Variants in PTPN14 observed in about 807,000 individuals in gnomAD.
The protein encoded by PTPN14 is protein tyrosine phosphatase non-receptor type 14, also known as tyrosine-protein phosphatase non-receptor type 14.
Under a neutral mutation model 126.8 loss-of-function variants are expected in PTPN14, and 53 were observed. That is an observed-to-expected ratio of 0.42 (90% confidence interval 0.34 to 0.53). The LOEUF (loss-of-function observed/expected upper bound fraction) is 0.53. Among genes scored for constraint, PTPN14 ranks in the 20% least tolerant of loss-of-function variants. The probability of loss-of-function intolerance (pLI) is 0.08; values close to 1 mark genes in which losing one functional copy is unlikely to be tolerated. For synonymous variants in PTPN14, 630 were observed against 599.3 expected, an observed-to-expected ratio of 1.05 and a Z score of -0.75; for missense variants, 1,257 against 1,552.9, an observed-to-expected ratio of 0.81 and a Z score of 3.20.
At chr1:214,514,098 T>C (rs1655042751) in intron 1 of PTPN14, among the ~76,000 whole-genome samples, 1 of 152,096 alleles carries the variant, frequency 6.6e-6, no homozygotes, top group Non-Finnish European at 1.5e-5. Flanking sequence ...CAGGATAATT[T>C]TGAAAGTTGA....
At chr1:214,502,788 T>TA (rs1184864243) in intron 1 of PTPN14, among the ~76,000 whole-genome samples, 1 of 152,176 alleles carries the variant, frequency 6.6e-6, no homozygotes, top group African/African-American at 2.4e-5. Flanking sequence ...GCAATAATGT[T>TA]AAAAATAACA....
chr1:214,514,947 C>T (rs1275185829), intron 1 of PTPN14, among the ~76,000 whole-genome samples: 1 of 152,292 alleles, frequency 6.6e-6, no homozygotes, highest in South Asian at 2.1e-4. Flanking sequence ...TTTGTTCGGT[C>T]GCCTGGCAGC....
intron 2 of PTPN14, among the ~76,000 whole-genome samples, chr1:214,455,512 C>T (rs1660362581): frequency 6.6e-6 from 1 of 152,126 alleles, no homozygotes; most frequent in African/African-American, 2.4e-5. Context: ...TTTTATTGCT[C>T]CAGTTTTCTT....
chr1:214,515,601 T>A (rs1164838820), intron 1 of PTPN14, among the ~76,000 whole-genome samples: 1 of 152,214 alleles, frequency 6.6e-6, no homozygotes, highest in Non-Finnish European at 1.5e-5. Context: ...GTAGGGAATA[T>A]CTTTTCATTT....
intron 3 of PTPN14, among the ~76,000 whole-genome samples, chr1:214,431,820 A>G (rs1414624620): frequency 6.6e-6 from 1 of 152,216 alleles, no homozygotes; most frequent in Non-Finnish European, 1.5e-5. Flanking sequence ...GTTAATATGG[A>G]TGAAGAGCTT....
intron 4 of PTPN14, among the ~76,000 whole-genome samples, chr1:214,414,194 C>T (rs17022846): frequency 0.012 from 1,770 of 152,216 alleles, 42 homozygotes; most frequent in African/African-American, 0.04. Context: ...GATTTTAAAT[C>T]TACCTCTTTA....
chr1:214,444,249 C>T (rs1317945705), intron 3 of PTPN14, among the ~76,000 whole-genome samples: 1 of 152,184 alleles, frequency 6.6e-6, no homozygotes, highest in Non-Finnish European at 1.5e-5. Context: ...ATGTCAACTG[C>T]ATCTTAAAAT....
chr1:214,422,683 C>A (rs138137347), intron 3 of PTPN14, among the ~76,000 whole-genome samples: 1 of 152,144 alleles, frequency 6.6e-6, no homozygotes, highest in African/African-American at 2.4e-5. Flanking sequence ...TGGTGAGCTA[C>A]CAGGCGGAAA....
intron 18 of PTPN14, among the ~76,000 whole-genome samples, chr1:214,361,839 G>A (rs1180520054): frequency 6.6e-6 from 1 of 152,074 alleles, no homozygotes; most frequent in East Asian, 1.9e-4. Flanking sequence ...GAGCAGCCTG[G>A]GACAGCTGTC....
chr1:214,505,394 G>T (rs553863273), intron 1 of PTPN14, among the ~76,000 whole-genome samples: 9 of 152,248 alleles, frequency 5.9e-5, no homozygotes, highest in African/African-American at 2.2e-4. Flanking sequence ...TCCAAAGGGA[G>T]GTCAGATAAG....
chr1:214,488,940 T>C (rs187508156), intron 1 of PTPN14, among the ~76,000 whole-genome samples: 1 of 152,362 alleles, frequency 6.6e-6, no homozygotes, highest in African/African-American at 2.4e-5. Flanking sequence ...TCTCGAAATA[T>C]GAAATTCTCT....
intron 14 of PTPN14, among the ~76,000 whole-genome samples, chr1:214,376,685 T>C (rs1355968392): frequency 6.6e-6 from 1 of 152,198 alleles, no homozygotes; most frequent in Non-Finnish European, 1.5e-5. Flanking sequence ...CAAAAATCAA[T>C]ATTTTTGCTA....
chr1:214,456,710 C>G, intron 2 of PTPN14, among the ~76,000 whole-genome samples: 1 of 152,128 alleles, frequency 6.6e-6, no homozygotes, highest in Non-Finnish European at 1.5e-5. Context: ...TGAAGACGTA[C>G]AAGTTAAGAC....
At chr1:214,500,430 C>T (rs1046478437) in intron 1 of PTPN14, among the ~76,000 whole-genome samples, 6 of 152,150 alleles carry the variant, frequency 3.9e-5, no homozygotes, top group Admixed American at 6.5e-5. Flanking sequence ...CAACTCTCTA[C>T]TTGAGAGGCT....
intron 3 of PTPN14, among the ~76,000 whole-genome samples, chr1:214,429,666 T>C (rs574426080): frequency 2.0e-5 from 3 of 152,244 alleles, no homozygotes; most frequent in Non-Finnish European, 2.9e-5. Flanking sequence ...ATTGAATGCA[T>C]GCATGAACAA....
At chr1:214,499,765 T>C (rs1358538593) in intron 1 of PTPN14, among the ~76,000 whole-genome samples, 1 of 151,454 alleles carries the variant, frequency 6.6e-6, no homozygotes, top group Non-Finnish European at 1.5e-5. Context: ...TTATTTCTAA[T>C]TTAAGCATTC....
At chr1:214,472,843 G>C (rs1049137186) in intron 1 of PTPN14, among the ~76,000 whole-genome samples, 1 of 152,222 alleles carries the variant, frequency 6.6e-6, no homozygotes, top group Non-Finnish European at 1.5e-5. Context: ...CACAGACAGA[G>C]ATTGCAGATC....
Position 214,535,639 on chromosome 1 carries a change from C to T in PTPN14, c.-155+15544G>A, listed in dbSNP as rs543366931. ...CTAAAAAATACAAAAATTAGCCGGG[C>T]CTGGTGGCGCATGCCGGTAATCCCA... is the stretch of plus-strand genomic sequence containing the variant. On this transcript the variant is annotated intron_variant, in intron 1 of 18. Transcript: ENST00000366956. Among the ~76,000 whole-genome samples the T allele has an allele frequency of 4.0e-4, 61 of 152,124 alleles. 1 individual carries two copies. The highest frequency in any genetic ancestry group is 1.4e-3 in the African/African-American group (57 of 41,492).
At chr1:214,483,469 G>C (rs1261187958) in intron 1 of PTPN14, 3 of 889,960 alleles carry the variant, frequency 3.4e-6, no homozygotes, top group Admixed American at 4.4e-5. Flanking sequence ...TCTTGCCTGC[G>C]ACCCTTCCCC....
Sources: gnomAD v4.1 joint callset for allele counts (sites outside exome capture counted in the v4.1 genomes callset) on GRCh38, gnomAD v4.1.1 for gene constraint, MANE v1.5 for transcripts, NCBI Gene and HGNC (gene_info 2026-07-23, HGNC 2026-07-21) for gene names.